The following IL23R variants were observed in gnomAD, a reference collection of about 807,000 sequenced individuals.
IL23R encodes interleukin-23 receptor.
A neutral mutation model predicts 56.9 loss-of-function variants in IL23R; 34 were observed. The observed-to-expected ratio is 0.60, with a 90% CI of 0.45 to 0.80. The LOEUF (loss-of-function observed/expected upper bound fraction) is 0.80. Ranked by LOEUF, IL23R falls within the 30% of genes least tolerant of loss-of-function variation. IL23R has a pLI of 0.00. For missense variants in IL23R, 635 were observed against 730.0 expected (o/e 0.87, Z 1.50); for synonymous variants, 230 against 249.2 (o/e 0.92, Z 0.73).
chr1:67,251,294 TACA>T (rs1314561157), intron 9 of IL23R, among the ~76,000 whole-genome samples: 1 of 151,914 alleles, frequency 6.6e-6, no homozygotes, highest in Non-Finnish European at 1.5e-5. Context: ...CTACTAAAAA[TACA>T]ACAAATTAGC....
Position 67,178,488 on chromosome 1 carries a change from A to C in IL23R, c.368-4348A>C, listed in dbSNP as rs1007599719. Among the ~76,000 whole-genome samples, 5 of 152,302 alleles carry C rather than the reference A, an allele frequency of 3.3e-5. No individual in the cohort carries two copies. The East Asian group carries it at 7.7e-4, about 23-fold the overall frequency. The stretch of plus-strand genomic sequence containing the variant: ...GATTTTGTATCCTGAGACTTTGCTA[A>C]AGTTGCCTATCAGCTTAAGGAGATT... On this transcript the variant is annotated intron_variant, in intron 3 of 10. Coordinates refer to ENST00000347310, the MANE Select transcript of IL23R (RefSeq NM_144701.3).
intron 2 of IL23R, among the ~76,000 whole-genome samples, chr1:67,169,131 A>C (rs971390865): frequency 9.0e-6 from 1 of 111,234 alleles, no homozygotes; most frequent in African/African-American, 3.4e-5. Flanking sequence ...ACAGAATGAG[A>C]CTGTCTCAAA....
intron 4 of IL23R, among the ~76,000 whole-genome samples, chr1:67,186,427 A>G (rs927463389): frequency 3.3e-5 from 5 of 151,980 alleles, no homozygotes; most frequent in African/African-American, 4.8e-5. Flanking sequence ...CATCACTACA[A>G]TCAATATTGA....
At chr1:67,154,877 A>G (rs993125621) in intron 1 of IL23R, among the ~76,000 whole-genome samples, 26 of 152,144 alleles carry the variant, frequency 1.7e-4, no homozygotes, top group African/African-American at 6.3e-4. Flanking sequence ...CAGTTTCTTT[A>G]TAGTGTCATT....
At chr1:67,146,947 G>A (rs144405231) in intron 1 of IL23R, among the ~76,000 whole-genome samples, 8 of 152,260 alleles carry the variant, frequency 5.3e-5, no homozygotes, top group African/African-American at 1.9e-4. Flanking sequence ...ATAGGGATGG[G>A]CACATGATCT....
At chr1:67,263,033 C>T (rs1653238398), downstream of IL23R, among the ~76,000 whole-genome samples, 1 of 151,280 alleles carries the variant, frequency 6.6e-6, no homozygotes, top group African/African-American at 2.4e-5. Flanking sequence ...AAGTCAAGTA[C>T]AGTTTAGGGA....
intron 9 of IL23R, among the ~76,000 whole-genome samples, chr1:67,240,772 C>T (rs571753433): frequency 6.6e-6 from 1 of 152,272 alleles, no homozygotes; most frequent in East Asian, 1.9e-4. Flanking sequence ...GCGAATTGGG[C>T]AGCCCCCAGA....
At chr1:67,235,861 A>T (rs541361245) in intron 7 of IL23R, among the ~76,000 whole-genome samples, 1 of 152,344 alleles carries the variant, frequency 6.6e-6, no homozygotes, top group African/African-American at 2.4e-5. Flanking sequence ...TAATTTTTTT[A>T]AAAGAAAAAT....
At chr1:67,184,477 C>T (rs896329276) in intron 4 of IL23R, among the ~76,000 whole-genome samples, 1 of 151,182 alleles carries the variant, frequency 6.6e-6, no homozygotes, top group African/African-American at 2.4e-5. Context: ...ACTCAGGAGA[C>T]AGGAGCTTGC....
At chr1:67,164,629 CACAAA>C (rs1454830092), upstream of IL23R, among the ~76,000 whole-genome samples, 1 of 87,364 alleles carries the variant, frequency 1.1e-5, no homozygotes, top group East Asian at 3.6e-4. Flanking sequence ...AAAACTCTGT[CACAAA>C]ATAAAATAAA....
intron 7 of IL23R, among the ~76,000 whole-genome samples, chr1:67,236,093 C>G (rs915603861): frequency 1.3e-5 from 2 of 152,178 alleles, no homozygotes; most frequent in Admixed American, 6.5e-5. Context: ...GTTGCTCACC[C>G]CACCCTGGTC....
chr1:67,164,039 A>T (rs547014288), upstream of IL23R, among the ~76,000 whole-genome samples: 11 of 152,354 alleles, frequency 7.2e-5, no homozygotes, highest in Non-Finnish European at 1.5e-4. Flanking sequence ...TAAAAAGCTC[A>T]GCAAAGAAAA....
In IL23R at chr1:67,168,174, C is replaced by A; in HGVS notation, c.54C>A (p.Phe18Leu). Residue 18 changes from phenylalanine (F) to leucine (L), a missense_variant, in exon 2 of 11, where the codon TTC becomes TTA. Coordinates refer to ENST00000347310, the MANE Select transcript of IL23R (RefSeq NM_144701.3). ...WDAVIALYIL[F>L]SWCHGGITNI... ...CAGTAATAGCCCTTTACATACTCTTCAGCTGGTGTCATGGAGGTATGGTGT... is the reference window on the plus strand; with the variant it reads ...CAGTAATAGCCCTTTACATACTCTTAAGCTGGTGTCATGGAGGTATGGTGT... 1.9e-6 allele frequency: 3 copies of A among 1,608,710 alleles called. No homozygotes were observed. Among genetic ancestry groups the A allele is most frequent in the Non-Finnish European group, 2.6e-6 (3 of 1,175,240 alleles).
intron 8 of IL23R, 76 bp from the exon 9 acceptor site, chr1:67,240,103 A>C (rs1651755541): frequency 1.9e-6 from 2 of 1,050,124 alleles, no homozygotes; most frequent in South Asian, 2.6e-5. Context: ...CTTTGAGCAG[A>C]GTAAAGAGAA....
chr1:67,255,018 G>C (rs189925963), intron 9 of IL23R, among the ~76,000 whole-genome samples: 1 of 152,266 alleles, frequency 6.6e-6, no homozygotes, highest in Admixed American at 6.5e-5. Context: ...TCCGCATCAA[G>C]AAAGTTTGGA....
intron 1 of IL23R, chr1:67,139,186 A>T (rs1305982976): frequency 1.9e-4 from 29 of 152,300 alleles, no homozygotes. Flanking sequence ...TGTATAAACC[A>T]GTCTGATTTA....
intron 7 of IL23R, among the ~76,000 whole-genome samples, chr1:67,225,199 G>A (rs1178517010): frequency 6.6e-6 from 1 of 152,178 alleles, no homozygotes; most frequent in Non-Finnish European, 1.5e-5. Context: ...TGTTTGTTAT[G>A]GAAATGCAAA....
chr1:67,140,532 C>T lies in IL23R; in HGVS notation c.-634+1371C>T, dbSNP rs182004842. ...TATAATCTTTTTCTTATCATCTTGG[C>T]AAGCTGGGGAAAGGAACAGAGAAAG... On this transcript the variant is annotated intron_variant, in intron 1 of 10. Transcript: ENST00000637002. Among the ~76,000 whole-genome samples, 15 of 152,204 alleles carry T rather than the reference C, an allele frequency of 9.9e-5. No homozygotes were observed. The East Asian group carries it at 2.5e-3, about 25-fold the overall frequency.
At chr1:67,186,865 C>T (rs1647374901) in intron 4 of IL23R, among the ~76,000 whole-genome samples, 1 of 152,156 alleles carries the variant, frequency 6.6e-6, no homozygotes, top group South Asian at 2.1e-4. Context: ...AGGCAACCCT[C>T]CTGCCTTGGC....
Sources: allele counts gnomAD v4.1 joint callset (sites outside exome capture counted in the v4.1 genomes callset), GRCh38; gene constraint gnomAD v4.1.1; transcripts MANE v1.5; gene names NCBI Gene and HGNC (gene_info 2026-07-23, HGNC 2026-07-21).